Variants in BMP6 observed in about 807,000 individuals in gnomAD.
BMP6 encodes VG-1-R.
A neutral mutation model predicts 54.1 loss-of-function variants in BMP6; 17 were observed. That is an observed-to-expected ratio of 0.31 (90% CI 0.22 to 0.47). The LOEUF is 0.47. BMP6 is among the 20% of genes least tolerant of loss of function. The pLI is 1.00. For synonymous variants in BMP6, 328 were observed against 291.2 expected (o/e 1.13, Z -1.28); for missense variants, 720 against 690.4 (o/e 1.04, Z -0.48).
At chr6:7,850,381 T>C (rs556772361) in intron 2 of BMP6, among the ~76,000 whole-genome samples, 8 of 152,332 alleles carry the variant, frequency 5.3e-5, no homozygotes, top group Non-Finnish European at 1.2e-4. Context: ...ATCTTTACTA[T>C]TTTTAAGTGT....
chr6:7,727,156 G>C lies in BMP6; in HGVS notation c.201G>C (p.Leu67=). Residue 67 remains leucine (L), a synonymous_variant, in exon 1 of 7, where the codon CTG becomes CTC. Coordinates refer to ENST00000283147, the MANE Select transcript of BMP6 (RefSeq NM_001718.6). ...CGCCGCAGTCCTCCTCGGGCTTCCT[G>C]TACCGGCGGCTCAAGACGCAGGAGA... ...PPSPQSSSGF[L]YRRLKTQEKR... 1 of 1,585,876 alleles carries C rather than the reference G, an allele frequency of 6.3e-7. No individual in the cohort carries two copies.
At chr6:7,829,172 C>T (rs1172382203) in intron 1 of BMP6, among the ~76,000 whole-genome samples, 1 of 152,210 alleles carries the variant, frequency 6.6e-6, no homozygotes, top group African/African-American at 2.4e-5. Context: ...TTTATTTAAG[C>T]TGCCACCCCA....
intron 1 of BMP6, among the ~76,000 whole-genome samples, chr6:7,732,792 G>T (rs560409806): frequency 1.3e-5 from 2 of 152,160 alleles, no homozygotes; most frequent in East Asian, 3.9e-4. Flanking sequence ...AAATGAAGAG[G>T]GTACAATGTC....
chr6:7,741,674 C>T (rs1452430889), intron 1 of BMP6, among the ~76,000 whole-genome samples: 3 of 152,212 alleles, frequency 2.0e-5, no homozygotes, highest in Non-Finnish European at 4.4e-5. Flanking sequence ...CTCAAGCGAT[C>T]CTCCTGCTTT....
intron 1 of BMP6, among the ~76,000 whole-genome samples, chr6:7,831,949 G>C (rs1758799979): frequency 6.6e-6 from 1 of 152,144 alleles, no homozygotes; most frequent in Admixed American, 6.5e-5. Flanking sequence ...ACATTCTTGG[G>C]CACCATGTAC....
At chr6:7,759,407 G>A (rs778474223) in intron 1 of BMP6, among the ~76,000 whole-genome samples, 1 of 152,000 alleles carries the variant, frequency 6.6e-6, no homozygotes, top group Admixed American at 6.6e-5. Flanking sequence ...TGAGGTCCTC[G>A]GCCACCACTC....
At chr6:7,804,192 A>G (rs1218313663) in intron 1 of BMP6, among the ~76,000 whole-genome samples, 3 of 152,232 alleles carry the variant, frequency 2.0e-5, no homozygotes, top group Non-Finnish European at 4.4e-5. Context: ...CCAAATGTCA[A>G]GCTAAGGAAT....
At chr6:7,804,868 T>C (rs1194665266) in intron 1 of BMP6, among the ~76,000 whole-genome samples, 1 of 144,194 alleles carries the variant, frequency 6.9e-6, no homozygotes, top group Non-Finnish European at 1.5e-5. Flanking sequence ...TTAAGAATAT[T>C]TTCCAACGCT....
At chr6:7,878,424 G>A (rs147835046) in intron 4 of BMP6, among the ~76,000 whole-genome samples, 1 of 152,244 alleles carries the variant, frequency 6.6e-6, no homozygotes, top group African/African-American at 2.4e-5. Flanking sequence ...GCTGCACAGG[G>A]TGGGTACATG....
At chr6:7,734,390 G>A (rs975156481) in intron 1 of BMP6, among the ~76,000 whole-genome samples, 6 of 152,166 alleles carry the variant, frequency 3.9e-5, no homozygotes, top group Non-Finnish European at 8.8e-5. Flanking sequence ...TTAAGATTGA[G>A]GGACAATCCA....
At chr6:7,833,129 G>A in intron 1 of BMP6, among the ~76,000 whole-genome samples, 1 of 152,056 alleles carries the variant, frequency 6.6e-6, no homozygotes, top group Admixed American at 6.5e-5. Flanking sequence ...GGGACCCACT[G>A]GGTTTGAGAC....
At chr6:7,779,876 G>C (rs183139492) in intron 1 of BMP6, among the ~76,000 whole-genome samples, 1 of 152,232 alleles carries the variant, frequency 6.6e-6, no homozygotes, top group East Asian at 1.9e-4. Flanking sequence ...CCTTTTCCTG[G>C]TACCTCCTTG....
chr6:7,845,343 T>G lies in BMP6; in HGVS notation c.857+11T>G, dbSNP rs1759045036. The G allele has an allele frequency of 6.2e-7, 1 of 1,604,888 alleles. No individual in the cohort carries two copies. Among genetic ancestry groups the G allele is most frequent in the Non-Finnish European group, 8.5e-7 (1 of 1,174,522 alleles). On this transcript the variant is annotated intron_variant, in intron 2 of 6. Coordinates refer to ENST00000283147, the MANE Select transcript of BMP6 (RefSeq NM_001718.6). ...GGAGCATCAGCACAGGTATGAAGGC[T>G]CGAGAAAGCCCCAAAGGTGGGGCTG...
At chr6:7,861,688 A>T (rs1342535251) in intron 3 of BMP6, 89 bp downstream of exon 3, 3 of 1,538,360 alleles carry the variant, frequency 2.0e-6, no homozygotes, top group African/African-American at 1.4e-5. Flanking sequence ...ACCGTGGGCA[A>T]CAGGCAAGTC....
At chr6:7,733,869 C>T (rs1025459625) in intron 1 of BMP6, among the ~76,000 whole-genome samples, 2 of 152,150 alleles carry the variant, frequency 1.3e-5, no homozygotes, top group Non-Finnish European at 2.9e-5. Context: ...AAGCCATCAC[C>T]ACTTCGGTGA....
At chr6:7,857,261 A>T (rs1759256368) in intron 2 of BMP6, among the ~76,000 whole-genome samples, 1 of 152,222 alleles carries the variant, frequency 6.6e-6, no homozygotes, top group African/African-American at 2.4e-5. Context: ...TTCCAGAAAT[A>T]TCTTACTAGC....
intron 1 of BMP6, among the ~76,000 whole-genome samples, chr6:7,768,665 C>T (rs1757730569): frequency 6.6e-6 from 1 of 152,176 alleles, no homozygotes; most frequent in South Asian, 2.1e-4. Flanking sequence ...AAAAGTCGCT[C>T]CACCCAGCCT....
intron 1 of BMP6, among the ~76,000 whole-genome samples, chr6:7,834,166 T>G (rs1013309725): frequency 2.0e-5 from 3 of 147,666 alleles, no homozygotes; most frequent in South Asian, 2.2e-4. Context: ...GCTGGTGGTG[T>G]TCCTCACAAG....
At chr6:7,832,914 G>A (rs1758813841) in intron 1 of BMP6, among the ~76,000 whole-genome samples, 1 of 151,618 alleles carries the variant, frequency 6.6e-6, no homozygotes, top group African/African-American at 2.4e-5. Context: ...GACCTTCAAA[G>A]GTAGAGTTTA....
Sources: allele counts gnomAD v4.1 joint callset (sites outside exome capture counted in the v4.1 genomes callset), GRCh38; gene constraint gnomAD v4.1.1; transcripts MANE v1.5; gene names NCBI Gene and HGNC (gene_info 2026-07-23, HGNC 2026-07-21).